Variants in CCNL2 observed in about 807,000 individuals in gnomAD.
CCNL2 encodes the protein cyclin L2.
In CCNL2, 28 loss-of-function variants were observed where a neutral mutation model predicts 59.1. The observed-to-expected ratio is 0.47, with a 90% CI of 0.35 to 0.65. CCNL2 has a LOEUF of 0.65. CCNL2 is among the 30% of genes least tolerant of loss of function. The probability of loss-of-function intolerance (pLI) is 0.00; values close to 1 mark genes in which losing one functional copy is unlikely to be tolerated. For missense variants in CCNL2, 714 were observed against 717.4 expected (o/e 1.00, Z 0.05); for synonymous variants, 342 against 288.6 (o/e 1.19, Z -1.88).
intron 3 of CCNL2, 44 bp downstream of exon 3, chr1:1,398,184 TAAAGA>T: frequency 6.4e-7 from 1 of 1,553,484 alleles, no homozygotes; most frequent in Non-Finnish European, 8.9e-7. Flanking sequence ...TAATCAGAAA[TAAAGA>T]AAATAGGCAT....
chr1:1,391,381 G>T, intron 5 of CCNL2: 1 of 1,171,422 alleles, frequency 8.5e-7, no homozygotes, highest in Admixed American at 4.7e-5. Flanking sequence ...TTCCTCCAGG[G>T]CGCTGGCGGC....
intron 8 of CCNL2, 117 bp downstream of exon 8, chr1:1,390,113 C>CTCA (rs1644681935): frequency 1.6e-6 from 1 of 615,416 alleles, no homozygotes; most frequent in African/African-American, 2.8e-5. Flanking sequence ...GACCCTGTCT[C>CTCA]AAAAAAAAAA....
chr1:1,398,565 C>G (rs753598637), intron 2 of CCNL2, 32 bp downstream of exon 2: 1 of 1,606,662 alleles, frequency 6.2e-7, no homozygotes, highest in South Asian at 1.1e-5. Context: ...CAACATACTT[C>G]GCTGGGAATG....
rs1644487172 is a variant in CCNL2, at chr1:1,387,040, C to G, written c.*191G>C. ...CCAGACCGGTCTGAAGCACGTGTCA[C>G]CGGTCCCTCAGTTCCATTTCCAAAT... On this transcript the variant is annotated 3_prime_UTR_variant, in exon 11 of 11. Transcript: ENST00000400809. 1.8e-6 allele frequency: 1 copy of G among 569,884 alleles called. No homozygotes were observed. Among genetic ancestry groups the G allele is most frequent in the African/African-American group, 1.9e-5 (1 of 53,532 alleles). 35.3% of individuals were successfully genotyped at this position (569,884 alleles called of 1,614,324 possible).
At position 1,391,712 on chromosome 1, in the gene CCNL2, A is replaced by C. The variant is rs1644771621; in HGVS notation, c.660-847T>G. On this transcript the variant is annotated intron_variant, in intron 5 of 10. Transcript: ENST00000400809. Reference sequence around the variant, plus strand: ...TATTTAGAAGCTATAAACATACAAAAATTTACATTTTTTAAAAGTTAAAGC... The same window carrying C: ...TATTTAGAAGCTATAAACATACAAACATTTACATTTTTTAAAAGTTAAAGC... 29 of 457,528 alleles carry C rather than the reference A, an allele frequency of 6.3e-5. No homozygotes were observed. In the South Asian group the frequency reaches 6.5e-4, roughly 10 times the overall value. The allele number at this position is 457,528 out of a possible 1,614,324, so 28.3% of individuals were successfully genotyped here.
Position 1,386,347 on chromosome 1 carries a change from C to G in CCNL2, c.*884G>C, listed in dbSNP as rs919726735. 5.5e-4 allele frequency: 84 copies of G among 152,424 alleles called. No individual in the cohort carries two copies. The highest frequency in any genetic ancestry group is 2.0e-3 in the African/African-American group (83 of 41,588). The allele number at this position is 152,424 out of a possible 1,614,324, so 9.4% of individuals were successfully genotyped here. A position where few individuals can be genotyped will look rare whatever the true frequency, so the allele number is the denominator to read the frequency against. On this transcript the variant is annotated 3_prime_UTR_variant, in exon 11 of 11. Transcript: ENST00000400809. ...CCCTCACAAGCCTTCGGCAGAAGGG[C>G]AGGCACACAGGATTGGATGCAAAAT...
At position 1,395,995 on chromosome 1, in the gene CCNL2, G is replaced by A. The variant is rs1644998411; in HGVS notation, c.474-481C>T. Reference sequence around the variant, plus strand: ...AGTTCAAGACCAGTCTGACCAACATGGTGAAACCCTGTCTCTACTAAAAAA... The same window carrying A: ...AGTTCAAGACCAGTCTGACCAACATAGTGAAACCCTGTCTCTACTAAAAAA... On this transcript the variant is annotated intron_variant, in intron 3 of 10. Coordinates refer to ENST00000400809, the MANE Select transcript of CCNL2 (RefSeq NM_030937.6). Among the ~76,000 whole-genome samples, 6 of 151,288 alleles carry A rather than the reference G, an allele frequency of 4.0e-5. No individual in the cohort carries two copies. The South Asian group carries it at 1.3e-3, about 32-fold the overall frequency.
chr1:1,387,493 CG>C lies in CCNL2; in HGVS notation c.1300del (p.Arg434AlafsTer93). The C allele has an allele frequency of 6.3e-7, 1 of 1,593,106 alleles. No individual in the cohort carries two copies. On this transcript the variant is annotated frameshift_variant, in exon 11 of 11. Transcript: ENST00000400809. LOFTEE classifies it high-confidence loss of function. ...CTCAGAGCCTTTGTAGGGAGCGCTG[CG>C]GGGGGCCTGTCTCGGTGGGGAGTCA... ...RSDSPPRQAP[R>X]SAPYKGSEIR... is the part of the protein sequence containing the mutation.
At chr1:1,393,111 C>T (rs1038495307) in intron 5 of CCNL2, 1 of 585,252 alleles carries the variant, frequency 1.7e-6, no homozygotes, top group African/African-American at 1.9e-5. Flanking sequence ...AAAGGTCCCC[C>T]TGCGCCAAGT....
At chr1:1,395,328 G>A (rs1448323393) in intron 4 of CCNL2, 66 bp downstream of exon 4, 16 of 1,583,298 alleles carry the variant, frequency 1.0e-5, no homozygotes, top group Middle Eastern at 1.7e-4. Context: ...GCACTGAGGT[G>A]GAGAGAGGCG....
chr1:1,388,526 C>G lies in CCNL2; in HGVS notation c.1007-461G>C, dbSNP rs761778004. ...CAGCGAGACTCTGTCTCAAGAAAAA[C>G]AAAACAAAACAAAAAAACCCCAAAA... On this transcript the variant is annotated intron_variant, in intron 8 of 10. Coordinates refer to ENST00000400809, the MANE Select transcript of CCNL2 (RefSeq NM_030937.6). 7.3e-5 allele frequency: 33 copies of G among 451,438 alleles called. No homozygotes were observed. In the Middle Eastern group the frequency reaches 2.1e-3, roughly 28 times the overall value. The allele number at this position is 451,438 out of a possible 1,614,324, so 28.0% of individuals were successfully genotyped here. A position where few individuals can be genotyped will look rare whatever the true frequency, so the allele number is the denominator to read the frequency against.
chr1:1,392,430 A>G, intron 5 of CCNL2: 3 of 1,154,214 alleles, frequency 2.6e-6, no homozygotes, highest in Non-Finnish European at 2.1e-6. Context: ...AGAAATCATG[A>G]CATAACCCCA....
At chr1:1,397,192 G>A (rs1016148816) in intron 3 of CCNL2, among the ~76,000 whole-genome samples, 2 of 152,232 alleles carry the variant, frequency 1.3e-5, no homozygotes, top group Non-Finnish European at 2.9e-5. Context: ...TTTTCTAAAG[G>A]ACTTCAATTA....
intron 3 of CCNL2, 39 bp from the exon 4 acceptor site, chr1:1,395,553 G>A (rs774920522): frequency 6.2e-7 from 1 of 1,609,502 alleles, no homozygotes; most frequent in Non-Finnish European, 8.5e-7. Context: ...CCACAGTCAA[G>A]CAGAGCAAGG....
rs771356040 is a variant in CCNL2, at chr1:1,398,279, C to A, written c.427G>T (p.Asp143Tyr). ...AGGCGGTGAAACACATTGATGACGT[C>A]CCGTATGCGTCTTGGGGCCTCTTCT... ...KIEEAPRRIR[D>Y]VINVFHRLRQ... Residue 143 changes from aspartate to tyrosine, a missense_variant, in exon 3 of 11, where the codon GAC becomes TAC. Physicochemically the swap from Asp to Tyr is radical, Grantham distance 160. Around this residue, in one of 5 missense-constraint regions of CCNL2, gnomAD observed 270 missense variants for 254.9 expected, o/e 1.06. Coordinates refer to ENST00000400809, the MANE Select transcript of CCNL2 (RefSeq NM_030937.6). 1.2e-6 allele frequency: 2 copies of A among 1,614,250 alleles called. No homozygotes were observed.
In CCNL2 at chr1:1,398,265, C is replaced by T. The variant is rs773720642; in HGVS notation, c.441G>A (p.Val147=). 1 of 1,614,218 alleles carries T rather than the reference C, an allele frequency of 6.2e-7. No homozygotes were observed. Among genetic ancestry groups the T allele is most frequent in the South Asian group, 1.1e-5 (1 of 91,084 alleles). ...APRRIRDVIN[V]FHRLRQLRDK... is the part of the protein sequence containing the mutation. ...CTCTCAGCTGTCGAAGGCGGTGAAA[C>T]ACATTGATGACGTCCCGTATGCGTC... Residue 147 remains valine (V), a synonymous_variant, in exon 3 of 11, where the codon GTG becomes GTA. Coordinates refer to ENST00000400809, the MANE Select transcript of CCNL2 (RefSeq NM_030937.6).
At position 1,398,103 on chromosome 1, in the gene CCNL2, CT is replaced by C. The variant is rs1474880491; in HGVS notation, c.473+129del. 4 of 835,612 alleles carry C rather than the reference CT, an allele frequency of 4.8e-6. No homozygotes were observed. The Admixed American group carries it at 1.0e-4, about 22-fold the overall frequency. The allele number at this position is 835,612 out of a possible 1,614,324, so 51.8% of individuals were successfully genotyped here. A position where few individuals can be genotyped will look rare whatever the true frequency, so the allele number is the denominator to read the frequency against. Reference sequence around the variant, plus strand: ...CAGGCTCTGTTGGTGGAGCTTGAGACTGCGCTCATGAATATCCCACAGGTTT... The same window carrying C: ...CAGGCTCTGTTGGTGGAGCTTGAGACGCGCTCATGAATATCCCACAGGTTT... On this transcript the variant is annotated intron_variant, in intron 3 of 10. Coordinates refer to ENST00000400809, the MANE Select transcript of CCNL2 (RefSeq NM_030937.6).
intron 5 of CCNL2, 70 bp downstream of exon 5, chr1:1,393,326 C>A: frequency 3.8e-6 from 5 of 1,326,562 alleles, no homozygotes; most frequent in South Asian, 3.5e-5. Context: ...ACCCACTGCC[C>A]AAGTGCCTCA....
At chr1:1,389,229 C>G (rs931959509) in intron 8 of CCNL2, 1 of 150,346 alleles carries the variant, frequency 6.7e-6, no homozygotes, top group African/African-American at 2.5e-5. Context: ...ATTAGCCAGG[C>G]GTGGTGGCGG....
Sources: gnomAD v4.1 joint callset for allele counts (sites outside exome capture counted in the v4.1 genomes callset) on GRCh38, gnomAD v4.1.1 for gene constraint, gnomAD v4.1.1 regional missense constraint, MANE v1.5 for transcripts, NCBI Gene and HGNC (gene_info 2026-07-23, HGNC 2026-07-21) for gene names.